Variants in MAP2 observed in about 807,000 individuals in gnomAD.
The protein encoded by MAP2 is microtubule-associated protein 2.
MAP2 carries 14 observed loss-of-function variants against 137.6 expected under a neutral mutation model. That is an observed-to-expected ratio of 0.10 (90% CI 0.07 to 0.16). The LOEUF is 0.16. Among genes scored for constraint, MAP2 ranks in the 10% least tolerant of loss-of-function variants. The probability of loss-of-function intolerance (pLI) is 1.00; values close to 1 mark genes in which losing one functional copy is unlikely to be tolerated. For missense variants in MAP2, 2,088 were observed against 2,191.5 expected (o/e 0.95, Z 0.94); for synonymous variants, 786 against 782.3 (o/e 1.00, Z -0.08).
chr2:209,538,611 G>A (rs2066376011), intron 2 of MAP2, among the ~76,000 whole-genome samples: 1 of 142,420 alleles, frequency 7.0e-6, no homozygotes, highest in Non-Finnish European at 1.5e-5. Context: ...TTGGAAAAAT[G>A]TGGTACACAT....
chr2:209,690,860 T>C, intron 7 of MAP2: 1 of 1,266,970 alleles, frequency 7.9e-7, no homozygotes, highest in Non-Finnish European at 1.0e-6. Context: ...TGTGTCTTTC[T>C]CAGGATTTGC....
intron 3 of MAP2, among the ~76,000 whole-genome samples, chr2:209,617,752 AG>A (rs1433189540): frequency 1.3e-5 from 2 of 152,178 alleles, no homozygotes; most frequent in East Asian, 3.9e-4. Context: ...TCACGTTAGC[AG>A]TAAGGACTTC....
At chr2:209,537,204 T>G (rs997942750) in intron 2 of MAP2, among the ~76,000 whole-genome samples, 1 of 152,226 alleles carries the variant, frequency 6.6e-6, no homozygotes, top group Non-Finnish European at 1.5e-5. Flanking sequence ...CTCACGATAT[T>G]TCAAACTTTT....
chr2:209,702,810 A>G (rs1156324423), intron 11 of MAP2, among the ~76,000 whole-genome samples: 1 of 152,120 alleles, frequency 6.6e-6, no homozygotes, highest in African/African-American at 2.4e-5. Flanking sequence ...TAAAACAAGA[A>G]GTGATTTGTA....
At chr2:209,504,421 T>C (rs970725262) in intron 1 of MAP2, among the ~76,000 whole-genome samples, 2 of 152,324 alleles carry the variant, frequency 1.3e-5, no homozygotes, top group African/African-American at 4.8e-5. Flanking sequence ...GAAGTAGCTA[T>C]AGTCAAATGA....
chr2:209,715,410 G>A (rs2067165884), intron 13 of MAP2, among the ~76,000 whole-genome samples: 3 of 151,880 alleles, frequency 2.0e-5, no homozygotes, highest in African/African-American at 4.8e-5. Context: ...ACTACACCAT[G>A]CTATGTTCTA....
At chr2:209,647,367 A>G (rs948655682) in intron 4 of MAP2, among the ~76,000 whole-genome samples, 1 of 152,194 alleles carries the variant, frequency 6.6e-6, no homozygotes, top group African/African-American at 2.4e-5. Flanking sequence ...GAGGCAAAGT[A>G]CTTGTTTTAC....
At chr2:209,501,985 A>G (rs947584098) in intron 1 of MAP2, among the ~76,000 whole-genome samples, 1 of 152,086 alleles carries the variant, frequency 6.6e-6, no homozygotes, top group Non-Finnish European at 1.5e-5. Context: ...TAAAAATTGT[A>G]TATATTTAAG....
At position 209,629,693 on chromosome 2, in the gene MAP2, T is replaced by C. The variant is rs367653043; in HGVS notation, c.-30+4564T>C. Reference sequence around the variant, plus strand: ...ATTCTGTACTCTCAGCTGGCAGTCATATCCAGATCTCAAGCTACTCTGGCT... The same window carrying C: ...ATTCTGTACTCTCAGCTGGCAGTCACATCCAGATCTCAAGCTACTCTGGCT... On this transcript the variant is annotated intron_variant, in intron 4 of 15. Transcript: ENST00000682079. Among the ~76,000 whole-genome samples, 14 of 152,326 alleles carry C rather than the reference T, an allele frequency of 9.2e-5. No homozygotes were observed. The South Asian group carries it at 2.9e-3, about 32-fold the overall frequency.
At chr2:209,527,401 A>G (rs1426476624) in intron 2 of MAP2, among the ~76,000 whole-genome samples, 3 of 152,124 alleles carry the variant, frequency 2.0e-5, no homozygotes, top group African/African-American at 4.8e-5. Flanking sequence ...TAGTTGCTCA[A>G]TAATATCTGT....
chr2:209,692,532 A>C (rs2059208065), intron 7 of MAP2, 93 bp from the exon 8 acceptor site: 8 of 1,400,044 alleles, frequency 5.7e-6, no homozygotes, highest in Non-Finnish European at 7.7e-6. Context: ...TTTTTATTCT[A>C]CCATTCATTT....
At chr2:209,512,465 T>C (rs2150278379) in intron 2 of MAP2, among the ~76,000 whole-genome samples, 1 of 151,708 alleles carries the variant, frequency 6.6e-6, no homozygotes, top group East Asian at 1.9e-4. Flanking sequence ...ATTCTGACGC[T>C]TCTCTTAAAA....
intron 4 of MAP2, among the ~76,000 whole-genome samples, chr2:209,646,782 T>G (rs570835531): frequency 3.1e-4 from 47 of 152,074 alleles, no homozygotes; most frequent in South Asian, 1.2e-3. Context: ...TCTTCATTCT[T>G]TTGTTGTTGT....
At chr2:209,476,886 T>C (rs1267500135) in intron 1 of MAP2, among the ~76,000 whole-genome samples, 2 of 152,240 alleles carry the variant, frequency 1.3e-5, no homozygotes, top group Non-Finnish European at 2.9e-5. Flanking sequence ...ATTTTTTTAT[T>C]CTGCACATGT....
At chr2:209,595,615 C>T (rs2081044208) in intron 3 of MAP2, among the ~76,000 whole-genome samples, 1 of 152,156 alleles carries the variant, frequency 6.6e-6, no homozygotes, top group African/African-American at 2.4e-5. Context: ...TGGGTATATA[C>T]CCAAAGCATT....
intron 2 of MAP2, among the ~76,000 whole-genome samples, chr2:209,513,010 G>T (rs985940803): frequency 6.6e-6 from 1 of 152,082 alleles, no homozygotes; most frequent in Non-Finnish European, 1.5e-5. Context: ...ATGCTCTGTT[G>T]AGTAGTATTA....
At chr2:209,611,652 C>T (rs2086914676) in intron 3 of MAP2, among the ~76,000 whole-genome samples, 1 of 152,012 alleles carries the variant, frequency 6.6e-6, no homozygotes, top group South Asian at 2.1e-4. Context: ...AAGAAAGCTT[C>T]TTTTAGAGAG....
At chr2:209,430,892 C>G (rs756331182) in intron 1 of MAP2, among the ~76,000 whole-genome samples, 13 of 152,260 alleles carry the variant, frequency 8.5e-5, no homozygotes, top group South Asian at 2.1e-4. Flanking sequence ...TGACTATGAT[C>G]TAGGACTTAT....
At chr2:209,603,369 T>C (rs2083567259) in intron 3 of MAP2, among the ~76,000 whole-genome samples, 2 of 152,152 alleles carry the variant, frequency 1.3e-5, no homozygotes, top group African/African-American at 4.8e-5. Context: ...CCATTTTCAG[T>C]GTGCCTTCAG....
Sources: allele counts gnomAD v4.1 joint callset (sites outside exome capture counted in the v4.1 genomes callset), GRCh38; gene constraint gnomAD v4.1.1; transcripts MANE v1.5; gene names NCBI Gene and HGNC (gene_info 2026-07-23, HGNC 2026-07-21).